The following PATJ variants were observed in gnomAD, a reference collection of about 807,000 sequenced individuals.
PATJ encodes PATJ crumbs cell polarity complex component.
A neutral mutation model predicts 224.9 loss-of-function variants in PATJ; 190 were observed. The ratio of observed to expected loss-of-function variants is 0.84; its 90% CI spans 0.75 to 0.95. The LOEUF (loss-of-function observed/expected upper bound fraction) is 0.95. PATJ is among the 40% of genes least tolerant of loss of function. The probability of loss-of-function intolerance (pLI) is 0.00; values close to 1 mark genes in which losing one functional copy is unlikely to be tolerated. For missense variants in PATJ, 2,121 were observed against 2,270.3 expected (o/e 0.93, Z 1.34); for synonymous variants, 769 against 820.3 (o/e 0.94, Z 1.07).
chr1:61,782,853 C>T (rs1570458728), intron 7 of PATJ, among the ~76,000 whole-genome samples: 1 of 152,234 alleles, frequency 6.6e-6, no homozygotes, highest in East Asian at 1.9e-4. Context: ...CAGTGTAAAA[C>T]CCTTGAAGTG....
At chr1:62,056,706 C>T (rs1426010933) in intron 31 of PATJ, among the ~76,000 whole-genome samples, 1 of 152,010 alleles carries the variant, frequency 6.6e-6, no homozygotes, top group Non-Finnish European at 1.5e-5. Context: ...ACTTGAACCC[C>T]AGGGGCGGAG....
intron 27 of PATJ, among the ~76,000 whole-genome samples, chr1:61,951,303 G>A (rs936963950): frequency 6.6e-6 from 1 of 152,068 alleles, no homozygotes; most frequent in Non-Finnish European, 1.5e-5. Flanking sequence ...TTCAGCGCTT[G>A]ATATAATTTG....
In PATJ at chr1:62,086,350, G is replaced by A. The variant is rs189313336; in HGVS notation, c.4377+1702G>A. 8.6e-5 allele frequency among the ~76,000 whole-genome samples: 13 copies of A among 152,002 alleles called. No individual in the cohort carries two copies. The highest frequency in any genetic ancestry group is 1.6e-4 in the Non-Finnish European group (11 of 67,986). ...ATACCTGCATCTTATACAAAGTTAA[G>A]TTGCCATAAAAGGAAAAAAGTGAAA... On this transcript the variant is annotated intron_variant, in intron 33 of 43. Transcript: ENST00000642238. The surrounding 1 kb of genome is among the most constrained non-coding windows in gnomAD (Gnocchi z 4.0).
intron 20 of PATJ, among the ~76,000 whole-genome samples, chr1:61,866,634 A>G (rs989714319): frequency 2.6e-5 from 4 of 152,214 alleles, no homozygotes; most frequent in African/African-American, 9.7e-5. Flanking sequence ...TAAGTTAAAA[A>G]AAAAAATCCC....
intron 29 of PATJ, among the ~76,000 whole-genome samples, chr1:62,024,423 A>G (rs186895713): frequency 2.0e-4 from 31 of 152,196 alleles, no homozygotes; most frequent in African/African-American, 7.5e-4. Flanking sequence ...CGTGGGCAGA[A>G]TTGGTAATTT....
Position 61,902,912 on chromosome 1 carries a change from A to C in PATJ, c.3381+1453A>C, listed in dbSNP as rs1415546660. On this transcript the variant is annotated intron_variant, in intron 24 of 43. Coordinates refer to ENST00000642238, the MANE Select transcript of PATJ (RefSeq NM_001350145.3). ...TAGGAAATGAGAGAGTGAGCCATATAGATATATGGAGGAAGAAAAACATGC... is the reference window on the plus strand; with the variant it reads ...TAGGAAATGAGAGAGTGAGCCATATCGATATATGGAGGAAGAAAAACATGC... Among the ~76,000 whole-genome samples, 3 of 152,260 alleles carry C rather than the reference A, an allele frequency of 2.0e-5. No individual in the cohort carries two copies. The East Asian group carries it at 5.8e-4, about 29-fold the overall frequency.
intron 30 of PATJ, among the ~76,000 whole-genome samples, chr1:62,038,272 G>T (rs894885010): frequency 3.9e-5 from 6 of 152,108 alleles, no homozygotes; most frequent in African/African-American, 1.2e-4. Context: ...GTTGCTCAAG[G>T]TCTCCTCTAA....
intron 17 of PATJ, chr1:61,852,520 G>A (rs2811327): frequency 0.97 from 148,000 of 152,236 alleles, 72,112 homozygotes; most frequent in Middle Eastern, 1. Context: ...GGCAGCACAT[G>A]TACTAAAATT....
Position 62,162,863 on chromosome 1 carries a change from C to T in PATJ, c.*1809C>T. On this transcript the variant is annotated 3_prime_UTR_variant, in exon 44 of 44. Transcript: ENST00000642238. Reference sequence around the variant, plus strand: ...TCCGGAGGTTGAAGCAGGAAAATTGCTTGAACCTGGGAGGTGGAGGTTGCA... The same window carrying T: ...TCCGGAGGTTGAAGCAGGAAAATTGTTTGAACCTGGGAGGTGGAGGTTGCA... The T allele has an allele frequency of 3.4e-6, 1 of 296,018 alleles. No homozygotes were observed. The highest frequency in any genetic ancestry group is 2.6e-5 in the South Asian group (1 of 38,698). The allele number at this position is 296,018 out of a possible 1,614,324, so 18.3% of individuals were successfully genotyped here.
At chr1:62,045,480 G>A (rs949936600) in intron 30 of PATJ, among the ~76,000 whole-genome samples, 9 of 152,162 alleles carry the variant, frequency 5.9e-5, no homozygotes, top group African/African-American at 2.2e-4. Context: ...CTTCCTAAAG[G>A]TCTGAAAAAG....
intron 22 of PATJ, among the ~76,000 whole-genome samples, chr1:61,887,194 G>T (rs750532653): frequency 6.6e-6 from 1 of 152,082 alleles, no homozygotes; most frequent in Non-Finnish European, 1.5e-5. Context: ...ATAGTCTGTG[G>T]AGATGGTGGA....
At chr1:61,815,306 G>T (rs890563490) in intron 14 of PATJ, among the ~76,000 whole-genome samples, 1 of 152,200 alleles carries the variant, frequency 6.6e-6, no homozygotes, top group African/African-American at 2.4e-5. Context: ...ATTGTTAAAT[G>T]ATGCTGCAGA....
In PATJ at chr1:61,965,121, C is replaced by CAAAAAAAAAAAAAA. The variant is rs34267345; in HGVS notation, c.3671-25020_3671-25007dup. On this transcript the variant is annotated intron_variant, in intron 27 of 43. Transcript: ENST00000642238. ...TGGGCCACTGAAGGAGACTCTGTCT[C>CAAAAAAAAAAAAAA]AAAAAAAAAAAAAAAAAAAAAAAAA... Among the ~76,000 whole-genome samples the CAAAAAAAAAAAAAA allele has an allele frequency of 9.7e-4, 53 of 54,378 alleles. 11 individuals are homozygous for CAAAAAAAAAAAAAA. Among genetic ancestry groups the CAAAAAAAAAAAAAA allele is most frequent in the Admixed American group, 1.6e-3 (6 of 3,716 alleles). 35.7% of individuals were successfully genotyped at this position (54,378 alleles called of 152,430 possible). A position where few individuals can be genotyped will look rare whatever the true frequency, so the allele number is the denominator to read the frequency against.
chr1:61,822,283 A>T (rs1657425389), intron 14 of PATJ, among the ~76,000 whole-genome samples: 1 of 152,086 alleles, frequency 6.6e-6, no homozygotes, highest in Admixed American at 6.6e-5. Context: ...TTAGCCAGGC[A>T]TGGTGGCGCA....
chr1:62,133,417 A>C (rs2148963675), intron 41 of PATJ, among the ~76,000 whole-genome samples: 1 of 152,214 alleles, frequency 6.6e-6, no homozygotes, highest in East Asian at 1.9e-4. Flanking sequence ...TCCCATCTCT[A>C]CTGAAAATAC....
Position 61,782,727 on chromosome 1 carries a change from C to A in PATJ, c.850-5027C>A, listed in dbSNP as rs12562129. On this transcript the variant is annotated intron_variant, in intron 7 of 43. Transcript: ENST00000642238. ...CTCCCTGTAAGCCTCAGAGCCTCTC[C>A]AAAATTCACAGTGCTTGAAACACTC... Among the ~76,000 whole-genome samples, 37 of 152,270 alleles carry A rather than the reference C, an allele frequency of 2.4e-4. No homozygotes were observed. In the East Asian group the frequency reaches 6.6e-3, roughly 27 times the overall value.
At chr1:62,106,296 C>G (rs1663041028) in intron 33 of PATJ, among the ~76,000 whole-genome samples, 1 of 145,344 alleles carries the variant, frequency 6.9e-6, no homozygotes, top group Non-Finnish European at 1.5e-5. Context: ...ATAGTGAGAC[C>G]CCCATCTCTA....
chr1:61,919,739 C>G (rs1419911538), intron 26 of PATJ, among the ~76,000 whole-genome samples: 1 of 151,922 alleles, frequency 6.6e-6, no homozygotes, highest in African/African-American at 2.4e-5. Context: ...CTCTTTGACC[C>G]AAAATGTATT....
At chr1:62,137,136 A>G (rs1035317576) in intron 41 of PATJ, among the ~76,000 whole-genome samples, 6 of 152,060 alleles carry the variant, frequency 3.9e-5, no homozygotes, top group Non-Finnish European at 7.3e-5. Flanking sequence ...AGCTTAATAA[A>G]TACACAATAT....
Sources: gnomAD v4.1 joint callset for allele counts (sites outside exome capture counted in the v4.1 genomes callset) on GRCh38, gnomAD v4.1.1 for gene constraint, Gnocchi (gnomAD v3.1) non-coding constraint, MANE v1.5 for transcripts, NCBI Gene and HGNC (gene_info 2026-07-23, HGNC 2026-07-21) for gene names.